OGFOD3: variants seen among roughly 807,000 people sequenced by gnomAD.
OGFOD3 encodes the protein 2-oxoglutarate and iron-dependent oxygenase domain-containing protein 3.
Under a neutral mutation model 39.8 loss-of-function variants are expected in OGFOD3, and 35 were observed. The ratio of observed to expected loss-of-function variants is 0.88; its 90% confidence interval spans 0.67 to 1.17. OGFOD3 has a LOEUF of 1.17. OGFOD3 is among the 50% of genes most tolerant of loss of function. OGFOD3 has a pLI of 0.00. For missense variants in OGFOD3, 438 were observed against 454.5 expected (o/e 0.96, Z 0.33); for synonymous variants, 200 against 192.0 (o/e 1.04, Z -0.34).
chr17:82,414,420 G>A (rs945291599), intron 2 of OGFOD3, among the ~76,000 whole-genome samples: 8 of 152,188 alleles, frequency 5.3e-5, no homozygotes, highest in African/African-American at 1.9e-4. Flanking sequence ...TTGAGGATGA[G>A]CCACTGCTCC....
At chr17:82,401,142 A>AC (rs2052757090) in intron 7 of OGFOD3, 1 of 98,144 alleles carries the variant, frequency 1.0e-5, no homozygotes, top group Non-Finnish European at 2.1e-5. Flanking sequence ...CCTTGGGTTT[A>AC]CCTTTTTTTT....
rs1459640984 is a variant in OGFOD3, at chr17:82,404,577, G to A, written c.546-487C>T. ...GGGACTCTCGCTCAGAAGACCCCAT[G>A]TGCCAGGCCAGAGCGGCTCTGAAAT... On this transcript the variant is annotated intron_variant, in intron 6 of 8. Coordinates refer to ENST00000313056, the MANE Select transcript of OGFOD3 (RefSeq NM_024648.3). This position sits in a 1 kb window ranked among gnomAD's most constrained non-coding sequence, Gnocchi z 4.5. Among the ~76,000 whole-genome samples the A allele has an allele frequency of 1.3e-5, 2 of 152,008 alleles. No individual in the cohort carries two copies. The highest frequency in any genetic ancestry group is 1.5e-5 in the Non-Finnish European group (1 of 67,990).
chr17:82,418,100 G>C (rs1396013140), intron 1 of OGFOD3, among the ~76,000 whole-genome samples: 2 of 152,208 alleles, frequency 1.3e-5, no homozygotes, highest in Non-Finnish European at 1.5e-5. Flanking sequence ...ACGGGACAGC[G>C]ACAGCCAAAC....
rs1330845334 is a variant in OGFOD3, at chr17:82,406,275, C to A, written c.488+143G>T. 2.8e-6 allele frequency: 2 copies of A among 723,948 alleles called. No homozygotes were observed. Among genetic ancestry groups the A allele is most frequent in the African/African-American group, 1.7e-5 (1 of 57,626 alleles). 44.8% of individuals were successfully genotyped at this position (723,948 alleles called of 1,614,324 possible). A position where few individuals can be genotyped will look rare whatever the true frequency, so the allele number is the denominator to read the frequency against. On this transcript the variant is annotated intron_variant, in intron 5 of 8. Transcript: ENST00000313056. This position sits in a 1 kb window ranked among gnomAD's most constrained non-coding sequence, Gnocchi z 5.2. ...AAAGAACCAGGAAGGACCCGGCCAA[C>A]ATCACAGCCACTGAGGCCCTGAGGC... is the stretch of plus-strand genomic sequence containing the variant.
Position 82,404,116 on chromosome 17 carries a change from C to T in OGFOD3, c.546-26G>A, listed in dbSNP as rs572994348. ...CTGCAGAGGACACAATAGCCGTCAG[C>T]GCAGCCCCAGGCGGGAGGGGACGCT... On this transcript the variant is annotated intron_variant, in intron 6 of 8. Transcript: ENST00000313056. The surrounding 1 kb of genome is among the most constrained non-coding windows in gnomAD (Gnocchi z 4.5). 8 of 1,549,752 alleles carry T rather than the reference C, an allele frequency of 5.2e-6. No individual in the cohort carries two copies. The South Asian group carries it at 6.1e-5, about 12-fold the overall frequency.
chr17:82,403,372 CT>C (rs1418522948), intron 7 of OGFOD3, among the ~76,000 whole-genome samples: 1 of 152,128 alleles, frequency 6.6e-6, no homozygotes, highest in East Asian at 1.9e-4. Flanking sequence ...TGGCTCACAC[CT>C]GTAATCCCAG....
intron 1 of OGFOD3, among the ~76,000 whole-genome samples, chr17:82,417,061 A>G (rs978739835): frequency 1.3e-5 from 2 of 152,336 alleles, no homozygotes; most frequent in Non-Finnish European, 2.9e-5. Flanking sequence ...TTTACTGGAA[A>G]TTTTTAAAAT....
chr17:82,404,502 T>C lies in OGFOD3; in HGVS notation c.546-412A>G, dbSNP rs1599695134. ...GTGTGTGGACGTGGGGAGAGGGGAG[T>C]GGGTGTCGAGCCTGCTAAGTGTGGA... On this transcript the variant is annotated intron_variant, in intron 6 of 8. Transcript: ENST00000313056. This position sits in a 1 kb window ranked among gnomAD's most constrained non-coding sequence, Gnocchi z 4.5. Among the ~76,000 whole-genome samples, 1 of 150,296 alleles carries C rather than the reference T, an allele frequency of 6.7e-6. No individual in the cohort carries two copies. The highest frequency in any genetic ancestry group is 6.6e-5 in the Admixed American group (1 of 15,048).
intron 7 of OGFOD3, among the ~76,000 whole-genome samples, chr17:82,399,224 C>G (rs1320388722): frequency 6.6e-6 from 1 of 152,222 alleles, no homozygotes; most frequent in Non-Finnish European, 1.5e-5. Flanking sequence ...AAACCCTCTG[C>G]AGAGTCTCCA....
chr17:82,399,365 G>A (rs1015945715), intron 7 of OGFOD3, among the ~76,000 whole-genome samples: 5 of 152,300 alleles, frequency 3.3e-5, no homozygotes, highest in East Asian at 1.9e-4. Flanking sequence ...TGCCAGCCTC[G>A]CTGCCCACAC....
Position 82,394,266 on chromosome 17 carries a change from A to C in OGFOD3, c.824-1732T>G. 14 of 1,343,684 alleles carry C rather than the reference A, an allele frequency of 1.0e-5. No individual in the cohort carries two copies. The South Asian group carries it at 2.0e-4, about 19-fold the overall frequency. 83.2% of individuals were successfully genotyped at this position (1,343,684 alleles called of 1,614,324 possible). On this transcript the variant is annotated intron_variant, in intron 8 of 8. Coordinates refer to ENST00000313056, the MANE Select transcript of OGFOD3 (RefSeq NM_024648.3). ...TGGCCTCCCAAAGTGCTGGGATTACAGGCGTGAGCCACCACGCCCGGCCTA... is the reference window on the plus strand; with the variant it reads ...TGGCCTCCCAAAGTGCTGGGATTACCGGCGTGAGCCACCACGCCCGGCCTA...
rs11413297 is a variant in OGFOD3 at position 82,417,618 on chromosome 17, C to CAAAA, written c.74+790_74+793dup. Among the ~76,000 whole-genome samples the CAAAA allele has an allele frequency of 1.2e-3, 152 of 127,558 alleles. 1 individual carries two copies. The highest frequency in any genetic ancestry group is 4.1e-3 in the African/African-American group (135 of 32,976). 83.7% of individuals were successfully genotyped at this position (127,558 alleles called of 152,430 possible). On this transcript the variant is annotated intron_variant, in intron 1 of 8. Coordinates refer to ENST00000313056, the MANE Select transcript of OGFOD3 (RefSeq NM_024648.3). The stretch of plus-strand genomic sequence containing the variant: ...TGGGCAACAGAGCGAGCCTCTGTCT[C>CAAAA]AAAAAAAAAAAAAAAAATTATAGCT...
intron 3 of OGFOD3, among the ~76,000 whole-genome samples, chr17:82,410,893 T>C (rs143033458): frequency 4.8e-4 from 72 of 151,546 alleles, no homozygotes; most frequent in African/African-American, 1.4e-3. Flanking sequence ...TAATTTTTCA[T>C]ATTTTAGTAG....
At chr17:82,402,168 C>G (rs1439725466) in intron 7 of OGFOD3, among the ~76,000 whole-genome samples, 9 of 152,142 alleles carry the variant, frequency 5.9e-5, no homozygotes, top group Non-Finnish European at 1.3e-4. Context: ...GGTGCGGTGG[C>G]TCACACCTGT....
chr17:82,397,372 G>A (rs1203670180), intron 8 of OGFOD3, among the ~76,000 whole-genome samples: 1 of 143,040 alleles, frequency 7.0e-6, no homozygotes, highest in African/African-American at 2.6e-5. Context: ...TGGGGGGTGA[G>A]GGCAGTGCCC....
At chr17:82,401,835 C>G (rs1258503676) in intron 7 of OGFOD3, among the ~76,000 whole-genome samples, 1 of 127,406 alleles carries the variant, frequency 7.8e-6, no homozygotes, top group South Asian at 3.0e-4. Flanking sequence ...AAAGACTGCC[C>G]TTGAAGAATA....
chr17:82,392,402 G>A lies in OGFOD3; in HGVS notation c.956C>T (p.Pro319Leu), dbSNP rs377659441. 1.4e-5 allele frequency: 22 copies of A among 1,610,766 alleles called. No homozygotes were observed. The highest frequency in any genetic ancestry group is 8.0e-5 in the African/African-American group (6 of 74,856). ...PDHGIEDPAFP is the reference protein window; with the variant it reads ...PDHGIEDPAFL ...TTACCTTGGCCCGGCTGCTGGCTAC[G>A]GGAACGCTGGGTCCTCGATGCCATG... The change falls in exon 9 of 9, where the codon CCG becomes CTG. Residue 319 changes from proline (P) to leucine (L), a missense_variant. Coordinates refer to ENST00000313056, the MANE Select transcript of OGFOD3 (RefSeq NM_024648.3). The surrounding 1 kb of genome is among the most constrained non-coding windows in gnomAD (Gnocchi z 4.2).
In OGFOD3 at chr17:82,415,579, C is replaced by T; in HGVS notation, c.123G>A (p.Arg41=). 6.2e-7 allele frequency: 1 copy of T among 1,613,422 alleles called. No homozygotes were observed. Among genetic ancestry groups the T allele is most frequent in the African/African-American group, 1.3e-5 (1 of 75,056 alleles). ...CCAGGCCCGCGGTCCTTAGCCACGG[C>T]CTCTGCCACAGCCTCTGCACCTCCC... is the stretch of plus-strand genomic sequence containing the variant. ...APREVQRLWQ[R]PWLRTAGLGA... is the part of the protein sequence containing the mutation. The change falls in exon 2 of 9, where the codon AGG becomes AGA. Residue 41 remains arginine (R), a synonymous_variant. Transcript: ENST00000313056. This position sits in a 1 kb window ranked among gnomAD's most constrained non-coding sequence, Gnocchi z 5.3.
At chr17:82,409,211 C>T (rs1231648793) in intron 4 of OGFOD3, among the ~76,000 whole-genome samples, 157 bp downstream of exon 4, 1 of 152,246 alleles carries the variant, frequency 6.6e-6, no homozygotes, top group Non-Finnish European at 1.5e-5. Context: ...CAGTCAGGCG[C>T]AGCTGCTGCG....
Sources: gnomAD v4.1 joint callset for allele counts (sites outside exome capture counted in the v4.1 genomes callset) on GRCh38, gnomAD v4.1.1 for gene constraint, Gnocchi (gnomAD v3.1) non-coding constraint, MANE v1.5 for transcripts, NCBI Gene and HGNC (gene_info 2026-07-23, HGNC 2026-07-21) for gene names.